NELFCD: variants seen among roughly 807,000 people sequenced by gnomAD.
NELFCD encodes negative elongation factor C/D.
Under a neutral mutation model 72.9 loss-of-function variants are expected in NELFCD, and 48 were observed. The ratio of observed to expected loss-of-function variants is 0.66; its 90% CI spans 0.52 to 0.84. NELFCD has a LOEUF of 0.84. Ranked by LOEUF, NELFCD falls within the 40% of genes least tolerant of loss-of-function variation. The pLI is 0.00. For missense variants in NELFCD, 538 were observed against 723.8 expected, an observed-to-expected ratio of 0.74 and a Z score of 2.94; for synonymous variants, 297 against 280.6, an observed-to-expected ratio of 1.06 and a Z score of -0.59.
intron 1 of NELFCD, among the ~76,000 whole-genome samples, chr20:58,982,959 C>G (rs889212454): frequency 7.2e-5 from 11 of 152,030 alleles, no homozygotes; most frequent in Admixed American, 4.6e-4. Flanking sequence ...GACTTACTGA[C>G]CTGCCCAAGG....
Position 58,994,119 on chromosome 20 carries a change from G to A in NELFCD, c.1591G>A (p.Val531Ile), listed in dbSNP as rs747236118. 8 of 1,614,148 alleles carry A rather than the reference G, an allele frequency of 5.0e-6. No individual in the cohort carries two copies. Among genetic ancestry groups the A allele is most frequent in the Admixed American group, 1.7e-5 (1 of 60,026 alleles). The change falls in exon 14 of 15, where the codon GTC becomes ATC. Residue 531 changes from valine (V) to isoleucine (I), a missense_variant. Val to Ile is a conservative substitution (Grantham distance 29). Coordinates refer to ENST00000652272, the MANE Select transcript of NELFCD (RefSeq NM_198976.4). ...IRYFVTEVLDVIAPPYTSDFV... is the reference protein window; with the variant it reads ...IRYFVTEVLDIIAPPYTSDFV... ...GTGCTCCCCCACGCAGGTGCTGGACGTCATTGCTCCTCCTTATACCTCTGA... is the reference window on the plus strand; with the variant it reads ...GTGCTCCCCCACGCAGGTGCTGGACATCATTGCTCCTCCTTATACCTCTGA...
rs776086900 is a variant in NELFCD, at chr20:58,989,945, G to T, written c.745G>T (p.Val249Leu). The T allele has an allele frequency of 1.9e-5, 30 of 1,613,926 alleles. No individual in the cohort carries two copies. The highest frequency in any genetic ancestry group is 8.5e-7 in the Non-Finnish European group (1 of 1,180,050). Residue 249 changes from valine (V) to leucine (L), a missense_variant, in exon 7 of 15, where the codon GTG (valine) becomes TTG (leucine). Physicochemically the swap from Val to Leu is conservative, Grantham distance 32. Around this residue, in one of 3 missense-constraint regions of NELFCD, gnomAD observed 355 missense variants for 534.5 expected, o/e 0.66. Transcript: ENST00000652272. The stretch of plus-strand genomic sequence containing the variant: ...CCAGGAGGAGCAGGGGGGCTCCGCT[G>T]TGCGCAGGATCGCCCAGGAAGTGCA... ...LAQEEQGGSA[V>L]RRIAQEVQRF...
chr20:58,992,637 T>C (rs2091825485), intron 10 of NELFCD, among the ~76,000 whole-genome samples: 1 of 152,210 alleles, frequency 6.6e-6, no homozygotes. Context: ...GGCTCTGGCC[T>C]GGAATCCCAG....
intron 1 of NELFCD, among the ~76,000 whole-genome samples, chr20:58,981,770 T>G (rs1028060132): frequency 6.6e-6 from 1 of 152,114 alleles, no homozygotes; most frequent in Non-Finnish European, 1.5e-5. Context: ...TAAACAAAAA[T>G]AAAGTGGAAA....
Position 58,993,524 on chromosome 20 carries a change from C to T in NELFCD, c.1420C>T (p.Gln474Ter). The T allele has an allele frequency of 6.2e-7, 1 of 1,614,238 alleles. No individual in the cohort carries two copies. Among genetic ancestry groups the T allele is most frequent in the Non-Finnish European group, 8.5e-7 (1 of 1,180,050 alleles). Residue 474 changes from glutamine to a stop codon, truncating the protein, a stop_gained, in exon 12 of 15, where the codon CAG becomes TAG. Transcript: ENST00000652272. LOFTEE classifies it high-confidence loss of function. This position sits in a 1 kb window ranked among gnomAD's most constrained non-coding sequence, Gnocchi z 5.0. Reference protein sequence around the residue: ...LVKLFETEHSQLDVMEQLELK... With the variant: ...LVKLFETEHS ...TAAGCTTTTTGAGACTGAGCACTCC[C>T]AGCTGGACGTGATGGAGCAGGTGAG...
chr20:58,992,974 G>GGAAGCAT (rs759257423), intron 10 of NELFCD, 24 bp from the exon 11 acceptor site: 1 of 1,536,734 alleles, frequency 6.5e-7, no homozygotes, highest in Middle Eastern at 1.7e-4. Flanking sequence ...GTTTTTTAAA[G>GGAAGCAT]GAAGCATTCT....
chr20:58,990,333 G>A, intron 7 of NELFCD: 1 of 235,978 alleles, frequency 4.2e-6, no homozygotes, highest in Non-Finnish European at 8.5e-6. Flanking sequence ...CTGGGAGGTG[G>A]AGGTTGTGGT....
intron 7 of NELFCD, chr20:58,990,493 A>G (rs1410756436): frequency 1.7e-5 from 3 of 176,698 alleles, no homozygotes; most frequent in African/African-American, 4.8e-5. Flanking sequence ...CTGGCTTTCT[A>G]AAGTGCTGCT....
At chr20:58,983,673 G>A (rs767571562) in intron 1 of NELFCD, among the ~76,000 whole-genome samples, 5 of 152,084 alleles carry the variant, frequency 3.3e-5, no homozygotes, top group South Asian at 2.1e-4. Flanking sequence ...TAATCTGCCC[G>A]CCTCCGCCTC....
Position 58,986,530 on chromosome 20 carries a change from G to A in NELFCD, c.177-224G>A. 1 of 567,360 alleles carries A rather than the reference G, an allele frequency of 1.8e-6. No individual in the cohort carries two copies. The allele number at this position is 567,360 out of a possible 1,614,324, so 35.1% of individuals were successfully genotyped here. A position where few individuals can be genotyped will look rare whatever the true frequency, so the allele number is the denominator to read the frequency against. ...ATTTTTGTTTTTGTTTTTTGGGAGA[G>A]ACAGGGCTCCTTACGTTGCCCTGGC... On this transcript the variant is annotated intron_variant, in intron 2 of 14. Transcript: ENST00000652272. The surrounding 1 kb of genome is among the most constrained non-coding windows in gnomAD (Gnocchi z 4.4).
Position 58,989,500 on chromosome 20 carries a change from G to A in NELFCD, c.517G>A (p.Ala173Thr). 2 of 1,613,852 alleles carry A rather than the reference G, an allele frequency of 1.2e-6. No individual in the cohort carries two copies. The highest frequency in any genetic ancestry group is 1.1e-5 in the South Asian group (1 of 91,076). Residue 173 changes from alanine to threonine, a missense_variant, in exon 6 of 15, where the codon GCA (alanine) becomes ACA (threonine). Coordinates refer to ENST00000652272, the MANE Select transcript of NELFCD (RefSeq NM_198976.4). ...TTTTGTGTCCTAGCTTATTTCTGAC[G>A]CAGGGTACCAGGGGGAGATCACCAG... ...LNFTVKLISD[A>T]GYQGEITSVS... is the part of the protein sequence containing the mutation.
chr20:58,983,981 G>C (rs1440279546), intron 1 of NELFCD, among the ~76,000 whole-genome samples: 1 of 152,124 alleles, frequency 6.6e-6, no homozygotes, highest in Non-Finnish European at 1.5e-5. Context: ...TGTTTATTCT[G>C]TGACTCTGCT....
At chr20:58,982,140 ATTTTTTTTTTTTTTTTTTTTTTT>A (rs751696443) in intron 1 of NELFCD, among the ~76,000 whole-genome samples, 1 of 68,360 alleles carries the variant, frequency 1.5e-5, no homozygotes, top group Non-Finnish European at 2.8e-5. Flanking sequence ...GGGAACTTGC[ATTTTTTTTTTTTTTTTTTTTTTT>A]TTTTTTTTTT....
rs1021146393 is a variant in NELFCD, at chr20:58,981,299, C to T, written c.-11C>T. 3.7e-5 allele frequency: 40 copies of T among 1,077,032 alleles called. No individual in the cohort carries two copies. The highest frequency in any genetic ancestry group is 8.5e-5 in the African/African-American group (5 of 59,122). The allele number at this position is 1,077,032 out of a possible 1,614,324, so 66.7% of individuals were successfully genotyped here. ...CGGGAGGGCATGGCGGGGGCCGTGC[C>T]GGGCGCCATCATGGACGAGGACTAC... On this transcript the variant is annotated 5_prime_UTR_variant, in exon 1 of 15. Coordinates refer to ENST00000652272, the MANE Select transcript of NELFCD (RefSeq NM_198976.4).
intron 1 of NELFCD, among the ~76,000 whole-genome samples, chr20:58,984,746 A>G (rs1315851579): frequency 6.6e-6 from 1 of 152,204 alleles, no homozygotes; most frequent in Non-Finnish European, 1.5e-5. Context: ...GAGAGGAAAG[A>G]CGGAGAGAGA....
At position 58,993,378 on chromosome 20, in the gene NELFCD, C is replaced by T; in HGVS notation, c.1345-71C>T. On this transcript the variant is annotated intron_variant, in intron 11 of 14. Transcript: ENST00000652272. The surrounding 1 kb of genome is among the most constrained non-coding windows in gnomAD (Gnocchi z 5.0). ...GTGATAAGCTCTTTGGTGGCTGTGACAGTGCCCAGTTTCTCTGTGTGCTGA... is the reference window on the plus strand; with the variant it reads ...GTGATAAGCTCTTTGGTGGCTGTGATAGTGCCCAGTTTCTCTGTGTGCTGA... 2 of 1,438,972 alleles carry T rather than the reference C, an allele frequency of 1.4e-6. No homozygotes were observed. The highest frequency in any genetic ancestry group is 2.3e-5 in the East Asian group (1 of 43,638). The allele number at this position is 1,438,972 out of a possible 1,614,324, so 89.1% of individuals were successfully genotyped here.
rs1468410377 is a variant in NELFCD at position 58,993,748 on chromosome 20, G to A, written c.1565G>A (p.Arg522His). 3.1e-6 allele frequency: 5 copies of A among 1,614,008 alleles called. No homozygotes were observed. The highest frequency in any genetic ancestry group is 4.2e-6 in the Non-Finnish European group (5 of 1,180,008). ...CTGGACACTGACATTTCACTCATTC[G>A]CTATTTTGTCACTGAGGTCAGCAAT... Reference protein sequence around the residue: ...EKLDTDISLIRYFVTEVLDVI... With the variant: ...EKLDTDISLIHYFVTEVLDVI... Residue 522 changes from arginine to histidine, a missense_variant, in exon 13 of 15, where the codon CGC becomes CAC. Physicochemically the swap from Arg to His is conservative, Grantham distance 29. Around this residue, in one of 3 missense-constraint regions of NELFCD, gnomAD observed 136 missense variants for 154.0 expected, o/e 0.88. Transcript: ENST00000652272. The surrounding 1 kb of genome is among the most constrained non-coding windows in gnomAD (Gnocchi z 5.0).
In NELFCD at chr20:58,993,534, T is replaced by A; in HGVS notation, c.1430T>A (p.Val477Glu). The part of the protein sequence containing the change: ...LFETEHSQLD[V>E]MEQLELKKTL... ...GAGACTGAGCACTCCCAGCTGGACG[T>A]GATGGAGCAGGTGAGCAGTGCCCGT... Residue 477 changes from valine (V) to glutamate (E), a missense_variant, in exon 12 of 15, where the codon GTG becomes GAG. By Grantham distance (121) the Val-to-Glu change is moderately radical. Transcript: ENST00000652272. The surrounding 1 kb of genome is among the most constrained non-coding windows in gnomAD (Gnocchi z 5.0). The A allele has an allele frequency of 6.2e-7, 1 of 1,614,190 alleles. No individual in the cohort carries two copies. The highest frequency in any genetic ancestry group is 8.5e-7 in the Non-Finnish European group (1 of 1,180,032).
chr20:58,990,628 CATT>C (rs755432810), intron 7 of NELFCD: 11 of 327,804 alleles, frequency 3.4e-5, no homozygotes, highest in Admixed American at 8.9e-5. Context: ...TCAGCAATCT[CATT>C]GTTACAGTGT....
Sources: gnomAD v4.1 joint callset for allele counts (sites outside exome capture counted in the v4.1 genomes callset) on GRCh38, gnomAD v4.1.1 for gene constraint, gnomAD v4.1.1 regional missense constraint, Gnocchi (gnomAD v3.1) non-coding constraint, MANE v1.5 for transcripts, NCBI Gene and HGNC (gene_info 2026-07-23, HGNC 2026-07-21) for gene names.